The following IRX1 variants were observed in gnomAD, a reference collection of about 807,000 sequenced individuals.
IRX1 encodes the protein iroquois homeobox 1, also known as iroquois-class homeodomain protein IRX-1.
A neutral mutation model predicts 34.1 loss-of-function variants in IRX1; 22 were observed. The ratio of observed to expected loss-of-function variants is 0.64; its 90% CI spans 0.46 to 0.92. The LOEUF is 0.92. Ranked by LOEUF, IRX1 falls within the 40% of genes least tolerant of loss-of-function variation. The pLI, the probability that IRX1 is intolerant of heterozygous loss-of-function variation, is 0.00. For synonymous variants in IRX1, 363 were observed against 319.0 expected, an observed-to-expected ratio of 1.14 and a Z score of -1.47; for missense variants, 758 against 680.0, an observed-to-expected ratio of 1.11 and a Z score of -1.28.
chr5:3,596,623 G>A (rs1018643765), intron 1 of IRX1, among the ~76,000 whole-genome samples: 9 of 152,170 alleles, frequency 5.9e-5, no homozygotes, highest in African/African-American at 2.2e-4. Context: ...GGGCCAGGGA[G>A]CGGGTAGCGA....
At position 3,601,079 on chromosome 5, in the gene IRX1, A is replaced by C; in HGVS notation, c.*39A>C. The C allele has an allele frequency of 3.0e-6, 3 of 1,008,444 alleles. No homozygotes were observed. Among genetic ancestry groups the C allele is most frequent in the Non-Finnish European group, 4.4e-6 (3 of 677,418 alleles). 62.5% of individuals were successfully genotyped at this position (1,008,444 alleles called of 1,614,324 possible). A position where few individuals can be genotyped will look rare whatever the true frequency, so the allele number is the denominator to read the frequency against. On this transcript the variant is annotated 3_prime_UTR_variant, in exon 4 of 4. Transcript: ENST00000302006. ...TTTACTTTTGCGGGGGGGAGGGGGGAGGAGTTGGGGAGGGAGGGAATGTGG... is the reference window on the plus strand; with the variant it reads ...TTTACTTTTGCGGGGGGGAGGGGGGCGGAGTTGGGGAGGGAGGGAATGTGG...
In IRX1 at chr5:3,596,346, C is replaced by T; in HGVS notation, c.241C>T (p.Pro81Ser). 2 of 1,538,340 alleles carry T rather than the reference C, an allele frequency of 1.3e-6. No individual in the cohort carries two copies. The highest frequency in any genetic ancestry group is 2.7e-5 in the East Asian group (1 of 37,190). The change falls in exon 1 of 4, where the codon CCC becomes TCC. Residue 81 changes from proline (P) to serine (S), a missense_variant. Pro to Ser is a moderately conservative substitution (Grantham distance 74). This residue lies in a region of IRX1 where 195 missense variants were observed against 195.0 expected (regional missense o/e 1.00). Coordinates refer to ENST00000302006, the MANE Select transcript of IRX1 (RefSeq NM_024337.4). ...AGAPNYSAFL[P>S]YAADLSLFSQ... The stretch of plus-strand genomic sequence containing the variant: ...CGCGCCCAACTACAGCGCCTTCCTG[C>T]CCTACGCCGCGGATCTCAGCCTCTT...
At chr5:3,596,632 G>A (rs965763424) in intron 1 of IRX1, among the ~76,000 whole-genome samples, 2 of 152,154 alleles carry the variant, frequency 1.3e-5, no homozygotes, top group African/African-American at 4.8e-5. Flanking sequence ...AGCGGGTAGC[G>A]AGTGAATTCA....
Position 3,599,356 on chromosome 5 carries a change from C to T in IRX1, c.408C>T (p.Arg136=), listed in dbSNP as rs1260649977. 3.1e-6 allele frequency: 5 copies of T among 1,614,078 alleles called. No individual in the cohort carries two copies. The highest frequency in any genetic ancestry group is 3.4e-6 in the Non-Finnish European group (4 of 1,180,024). ...CCGGGCGGCCCAAGAACGCCACCCGCGAGAGCACCAGCACGCTCAAGGCCT... is the reference window on the plus strand; with the variant it reads ...CCGGGCGGCCCAAGAACGCCACCCGTGAGAGCACCAGCACGCTCAAGGCCT... ...GDPGRPKNAT[R]ESTSTLKAWL... is the part of the protein sequence containing the mutation. Residue 136 remains arginine, a synonymous_variant, in exon 2 of 4, where the codon CGC becomes CGT. Transcript: ENST00000302006. This position sits in a 1 kb window ranked among gnomAD's most constrained non-coding sequence, Gnocchi z 6.6.
Position 3,599,115 on chromosome 5 carries a change from C to G in IRX1, c.277-110C>G. The G allele has an allele frequency of 2.6e-6, 3 of 1,159,480 alleles. No homozygotes were observed. In the South Asian group the frequency reaches 4.7e-5, roughly 18 times the overall value. The allele number at this position is 1,159,480 out of a possible 1,614,324, so 71.8% of individuals were successfully genotyped here. ...TGGGAGGCCCTCGAGTCCATTGAAGCGGCTGCTTCCCACTCTCCCGTCTTG... is the reference window on the plus strand; with the variant it reads ...TGGGAGGCCCTCGAGTCCATTGAAGGGGCTGCTTCCCACTCTCCCGTCTTG... On this transcript the variant is annotated intron_variant, in intron 1 of 3. Coordinates refer to ENST00000302006, the MANE Select transcript of IRX1 (RefSeq NM_024337.4). This position sits in a 1 kb window ranked among gnomAD's most constrained non-coding sequence, Gnocchi z 6.6.
Position 3,600,965 on chromosome 5 carries a change from G to A in IRX1, c.1386-18G>A, listed in dbSNP as rs1733950537. Reference sequence around the variant, plus strand: ...CACAGTGCCCCTGTCTTCTTGTCTCGCTGTGTTTCCCATGCAGCTCTCTGG... The same window carrying A: ...CACAGTGCCCCTGTCTTCTTGTCTCACTGTGTTTCCCATGCAGCTCTCTGG... On this transcript the variant is annotated intron_variant, in intron 3 of 3. Transcript: ENST00000302006. 1 of 1,612,880 alleles carries A rather than the reference G, an allele frequency of 6.2e-7. No individual in the cohort carries two copies. Among genetic ancestry groups the A allele is most frequent in the South Asian group, 1.1e-5 (1 of 91,054 alleles).
Position 3,596,369 on chromosome 5 carries a change from C to A in IRX1, c.264C>A (p.Leu88=). 1 of 1,538,124 alleles carries A rather than the reference C, an allele frequency of 6.5e-7. No homozygotes were observed. The stretch of plus-strand genomic sequence containing the variant: ...TGCCCTACGCCGCGGATCTCAGCCT[C>A]TTCTCGCAGATGGTGAGTGCGCCCG... ...AFLPYAADLS[L]FSQMGSQYEL... is the part of the protein sequence containing the mutation. Residue 88 remains leucine, a synonymous_variant, in exon 1 of 4, where the codon CTC becomes CTA. Coordinates refer to ENST00000302006, the MANE Select transcript of IRX1 (RefSeq NM_024337.4).
In IRX1 at chr5:3,599,606, G is replaced by A; in HGVS notation, c.658G>A (p.Asp220Asn). 6.2e-7 allele frequency: 1 copy of A among 1,614,088 alleles called. No individual in the cohort carries two copies. Among genetic ancestry groups the A allele is most frequent in the Non-Finnish European group, 8.5e-7 (1 of 1,180,036 alleles). Residue 220 changes from aspartate to asparagine, a missense_variant, in exon 2 of 4, where the codon GAC (aspartate) becomes AAC (asparagine). By Grantham distance (23) the Asp-to-Asn change is conservative (BLOSUM62 1). Coordinates refer to ENST00000302006, the MANE Select transcript of IRX1 (RefSeq NM_024337.4). The surrounding 1 kb of genome is among the most constrained non-coding windows in gnomAD (Gnocchi z 6.6). ...TEGDPEKAEDDEEIDLESIDI... is the reference protein window; with the variant it reads ...TEGDPEKAEDNEEIDLESIDI... ...GGGCGACCCGGAGAAGGCCGAGGACGACGAGGAGATCGACCTGGAAAGCAT... is the reference window on the plus strand; with the variant it reads ...GGGCGACCCGGAGAAGGCCGAGGACAACGAGGAGATCGACCTGGAAAGCAT...
chr5:3,600,145 C>G lies in IRX1; in HGVS notation c.1197C>G (p.Ala399=), dbSNP rs753452175. The G allele has an allele frequency of 7.3e-5, 118 of 1,613,040 alleles. No individual in the cohort carries two copies. The highest frequency in any genetic ancestry group is 9.7e-5 in the Non-Finnish European group (115 of 1,179,904). Residue 399 remains alanine, a synonymous_variant, in exon 2 of 4, where the codon GCC becomes GCG. Coordinates refer to ENST00000302006, the MANE Select transcript of IRX1 (RefSeq NM_024337.4). ...RSFLGVGAPH[A]APHGPHLPAP... ...TCCTGGGCGTTGGCGCTCCCCACGCCGCGCCCCATGGCCCTCACCTTCCTG... is the reference window on the plus strand; with the variant it reads ...TCCTGGGCGTTGGCGCTCCCCACGCGGCGCCCCATGGCCCTCACCTTCCTG...
At chr5:3,598,461 C>T (rs1038209390) in intron 1 of IRX1, among the ~76,000 whole-genome samples, 2 of 152,130 alleles carry the variant, frequency 1.3e-5, no homozygotes, top group Non-Finnish European at 2.9e-5. Flanking sequence ...TCCTGGCCGC[C>T]GGTGGCTCCC....
intron 1 of IRX1, 50 bp downstream of exon 1, chr5:3,596,431 G>A (rs1743698389): frequency 7.1e-7 from 1 of 1,400,688 alleles, no homozygotes; most frequent in Non-Finnish European, 9.3e-7. Flanking sequence ...CCCGCGCCAG[G>A]GCAAGGGTGG....
At chr5:3,597,497 C>A (rs567619642) in intron 1 of IRX1, among the ~76,000 whole-genome samples, 51 of 152,316 alleles carry the variant, frequency 3.3e-4, no homozygotes, top group South Asian at 1.5e-3. Flanking sequence ...TGTAACTTTT[C>A]TTGTAGTTTT....
At chr5:3,597,492 CTT>C (rs1733817631) in intron 1 of IRX1, among the ~76,000 whole-genome samples, 1 of 152,226 alleles carries the variant, frequency 6.6e-6, no homozygotes, top group Non-Finnish European at 1.5e-5. Flanking sequence ...TTCCCTGTAA[CTT>C]TTCTTGTAGT....
At position 3,600,640 on chromosome 5, in the gene IRX1, G is replaced by T. The variant is rs748227936; in HGVS notation, c.1344G>T (p.Pro448=). The change falls in exon 3 of 4, where the codon CCG becomes CCT. Residue 448 remains proline, a synonymous_variant. Coordinates refer to ENST00000302006, the MANE Select transcript of IRX1 (RefSeq NM_024337.4). ...ERDLVPRPDS[P]AQQLKSPFQP... ...ACCTCGTCCCCAGGCCAGATTCGCC[G>T]GCACAGCAGTTAAAGTCGCCCTTCC... is the stretch of plus-strand genomic sequence containing the variant. 2.5e-6 allele frequency: 4 copies of T among 1,613,728 alleles called. No individual in the cohort carries two copies. The highest frequency in any genetic ancestry group is 8.5e-7 in the Non-Finnish European group (1 of 1,180,006).
Position 3,600,222 on chromosome 5 carries a change from G to A in IRX1, c.1274G>A (p.Gly425Glu). ...PVAIAPGALN[G>E]DKASVRSSPT... ...GCTATTGCCCCGGGGGCACTCAATGGAGACAAGGCCTCGGTCCGCAGCAGC... is the reference window on the plus strand; with the variant it reads ...GCTATTGCCCCGGGGGCACTCAATGAAGACAAGGCCTCGGTCCGCAGCAGC... Residue 425 changes from glycine to glutamate, a missense_variant, in exon 2 of 4, where the codon GGA (glycine) becomes GAA (glutamate). By Grantham distance (98) the Gly-to-Glu change is moderately conservative (BLOSUM62 -2). Transcript: ENST00000302006. 6.2e-7 allele frequency: 1 copy of A among 1,606,762 alleles called. No homozygotes were observed. Among genetic ancestry groups the A allele is most frequent in the Non-Finnish European group, 8.5e-7 (1 of 1,177,704 alleles).
Position 3,599,230 on chromosome 5 carries a change from G to C in IRX1, c.282G>C (p.Ser94=), listed in dbSNP as rs769262251. Reference sequence around the variant, plus strand: ...GATCTGCCCTGTGGCTTCAGGGCTCGCAGTATGAACTGAAGGACAACCCTG... The same window carrying C: ...GATCTGCCCTGTGGCTTCAGGGCTCCCAGTATGAACTGAAGGACAACCCTG... ...ADLSLFSQMG[S]QYELKDNPGV... Residue 94 remains serine (S), a synonymous_variant, in exon 2 of 4, where the codon TCG becomes TCC. Transcript: ENST00000302006. This position sits in a 1 kb window ranked among gnomAD's most constrained non-coding sequence, Gnocchi z 6.6. 6.2e-7 allele frequency: 1 copy of C among 1,611,104 alleles called. No homozygotes were observed. The highest frequency in any genetic ancestry group is 8.5e-7 in the Non-Finnish European group (1 of 1,178,248).
chr5:3,599,613 A>C lies in IRX1; in HGVS notation c.665A>C (p.Glu222Ala), dbSNP rs1733898111. ...GDPEKAEDDEEIDLESIDIDK... is the reference protein window; with the variant it reads ...GDPEKAEDDEAIDLESIDIDK... The stretch of plus-strand genomic sequence containing the variant: ...CCGGAGAAGGCCGAGGACGACGAGG[A>C]GATCGACCTGGAAAGCATCGACATT... The change falls in exon 2 of 4, where the codon GAG becomes GCG. Residue 222 changes from glutamate to alanine, a missense_variant. Around this residue, in one of 3 missense-constraint regions of IRX1, gnomAD observed 529 missense variants for 418.8 expected, o/e 1.26. Transcript: ENST00000302006. This position sits in a 1 kb window ranked among gnomAD's most constrained non-coding sequence, Gnocchi z 6.6. The C allele has an allele frequency of 1.2e-6, 2 of 1,613,890 alleles. No homozygotes were observed. Among genetic ancestry groups the C allele is most frequent in the African/African-American group, 2.7e-5 (2 of 74,930 alleles).
At position 3,599,050 on chromosome 5, in the gene IRX1, T is replaced by A. The variant is rs2111297220; in HGVS notation, c.277-175T>A. Among the ~76,000 whole-genome samples, 1 of 152,236 alleles carries A rather than the reference T, an allele frequency of 6.6e-6. No individual in the cohort carries two copies. The highest frequency in any genetic ancestry group is 2.4e-5 in the African/African-American group (1 of 41,546). ...TCCCCAGCAGTGAACTGGGGGTGAC[T>A]TCCTGATCTGCCCAGCACAGGAGAG... On this transcript the variant is annotated intron_variant, in intron 1 of 3. Coordinates refer to ENST00000302006, the MANE Select transcript of IRX1 (RefSeq NM_024337.4). This position sits in a 1 kb window ranked among gnomAD's most constrained non-coding sequence, Gnocchi z 6.6.
intron 3 of IRX1, 42 bp downstream of exon 3, chr5:3,600,723 AG>A: frequency 2.1e-6 from 2 of 948,476 alleles, no homozygotes; most frequent in South Asian, 1.3e-5. Flanking sequence ...GGCGGTGGGG[AG>A]GGGGGAGGAG....
Sources: allele counts gnomAD v4.1 joint callset (sites outside exome capture counted in the v4.1 genomes callset), GRCh38; gene constraint gnomAD v4.1.1; regional missense constraint gnomAD v4.1.1; non-coding constraint Gnocchi (gnomAD v3.1); transcripts MANE v1.5; gene names NCBI Gene and HGNC (gene_info 2026-07-23, HGNC 2026-07-21).